Variants in CACNA2D3 observed in about 807,000 individuals in gnomAD.
CACNA2D3 encodes the protein voltage-dependent calcium channel subunit alpha-2/delta-3.
CACNA2D3 carries 60 observed loss-of-function variants against 160.6 expected under a neutral mutation model. The ratio of observed to expected loss-of-function variants is 0.37; its 90% confidence interval spans 0.30 to 0.46. The LOEUF (loss-of-function observed/expected upper bound fraction) is 0.46. Ranked by LOEUF, CACNA2D3 falls within the 20% of genes least tolerant of loss-of-function variation. The probability of loss-of-function intolerance (pLI) is 1.00; values close to 1 mark genes in which losing one functional copy is unlikely to be tolerated. For missense variants in CACNA2D3, 1,205 were observed against 1,365.0 expected (o/e 0.88, Z 1.85); for synonymous variants, 558 against 492.9 (o/e 1.13, Z -1.75).
chr3:54,542,198 A>C (rs1034678446), intron 5 of CACNA2D3, among the ~76,000 whole-genome samples: 2 of 151,802 alleles, frequency 1.3e-5, no homozygotes, highest in Admixed American at 1.3e-4. Context: ...AGTAGCTGGG[A>C]TTACAGGCAC....
At chr3:54,615,229 C>T (rs954694555) in intron 9 of CACNA2D3, among the ~76,000 whole-genome samples, 3 of 152,176 alleles carry the variant, frequency 2.0e-5, no homozygotes, top group Non-Finnish European at 4.4e-5. Flanking sequence ...TTGATGACTA[C>T]CATCATCGCA....
At chr3:54,893,171 G>T (rs1700106784) in intron 25 of CACNA2D3, among the ~76,000 whole-genome samples, 1 of 152,168 alleles carries the variant, frequency 6.6e-6, no homozygotes, top group Admixed American at 6.5e-5. Flanking sequence ...AGCTACTCAG[G>T]AGGCTGAGGT....
intron 3 of CACNA2D3, among the ~76,000 whole-genome samples, chr3:54,337,975 T>TG (rs1420349361): frequency 6.6e-6 from 1 of 152,202 alleles, no homozygotes; most frequent in Non-Finnish European, 1.5e-5. Context: ...CCAAAACGTT[T>TG]GGGTGCCTTA....
intron 2 of CACNA2D3, among the ~76,000 whole-genome samples, chr3:54,194,264 A>T (rs12630117): frequency 0.76 from 115,953 of 152,172 alleles, 44,474 homozygotes; most frequent in East Asian, 0.96. Context: ...ATATGCAAGA[A>T]GATGGATACC....
chr3:54,351,995 G>A (rs2107534001), intron 3 of CACNA2D3, among the ~76,000 whole-genome samples: 1 of 152,224 alleles, frequency 6.6e-6, no homozygotes, highest in East Asian at 1.9e-4. Context: ...TCTCCCTCCT[G>A]GTCTTCATGG....
intron 2 of CACNA2D3, among the ~76,000 whole-genome samples, chr3:54,207,453 T>G (rs1000750962): frequency 7.1e-6 from 1 of 140,808 alleles, no homozygotes; most frequent in Non-Finnish European, 1.5e-5. Context: ...TTAAGACCAT[T>G]TAAGACCAAG....
chr3:54,647,761 A>ATT (rs1699679931), intron 11 of CACNA2D3, among the ~76,000 whole-genome samples: 1 of 152,252 alleles, frequency 6.6e-6, no homozygotes, highest in Admixed American at 6.5e-5. Context: ...GGAATGCATT[A>ATT]TTGGTGATTT....
intron 17 of CACNA2D3, among the ~76,000 whole-genome samples, chr3:54,849,228 T>G (rs989814289): frequency 7.9e-5 from 12 of 152,226 alleles, no homozygotes; most frequent in South Asian, 2.1e-4. Context: ...ACCAAGGTTG[T>G]TTGTTTGTTT....
At chr3:54,206,129 G>A (rs2107356169) in intron 2 of CACNA2D3, among the ~76,000 whole-genome samples, 1 of 152,220 alleles carries the variant, frequency 6.6e-6, no homozygotes, top group South Asian at 2.1e-4. Context: ...CTTAGTTGTG[G>A]GCACTTCTTG....
intron 18 of CACNA2D3, chr3:54,875,514 G>A (rs1699638320): frequency 6.6e-6 from 1 of 152,210 alleles, no homozygotes; most frequent in Non-Finnish European, 1.5e-5. Context: ...TTAGGAGCAC[G>A]AGCTATCATT....
chr3:54,894,538 A>G, intron 25 of CACNA2D3: 1 of 479,776 alleles, frequency 2.1e-6, no homozygotes, highest in Non-Finnish European at 4.2e-6. Flanking sequence ...CTCTGGAAAA[A>G]GGTCCCCTGT....
At chr3:54,217,153 G>C (rs1577005098) in intron 2 of CACNA2D3, among the ~76,000 whole-genome samples, 1 of 152,138 alleles carries the variant, frequency 6.6e-6, no homozygotes, top group South Asian at 2.1e-4. Context: ...ATGGGGCCTG[G>C]GAGGGAGGAA....
chr3:54,610,869 T>TC, intron 9 of CACNA2D3, among the ~76,000 whole-genome samples: 1 of 152,202 alleles, frequency 6.6e-6, no homozygotes, highest in East Asian at 1.9e-4. Context: ...CCTCAGGTGA[T>TC]CCACCCGCCT....
intron 26 of CACNA2D3, 32 bp downstream of exon 26, chr3:54,896,902 T>C (rs747326926): frequency 6.2e-7 from 1 of 1,613,650 alleles, no homozygotes; most frequent in South Asian, 1.1e-5. Flanking sequence ...GGGCTCTGTC[T>C]GTCTGGTCCA....
chr3:54,157,616 C>A (rs1700267029), intron 2 of CACNA2D3, among the ~76,000 whole-genome samples: 1 of 151,952 alleles, frequency 6.6e-6, no homozygotes, highest in Admixed American at 6.6e-5. Flanking sequence ...ATGGAGAATC[C>A]CTGTCTCTAC....
intron 11 of CACNA2D3, among the ~76,000 whole-genome samples, chr3:54,722,410 T>A (rs1004677050): frequency 6.6e-6 from 1 of 152,234 alleles, no homozygotes; most frequent in African/African-American, 2.4e-5. Flanking sequence ...CCTACTTCTG[T>A]CAATTTGTCA....
At chr3:54,575,451 A>G (rs924790769) in intron 8 of CACNA2D3, among the ~76,000 whole-genome samples, 1 of 151,854 alleles carries the variant, frequency 6.6e-6, no homozygotes, top group Admixed American at 6.6e-5. Context: ...AGTCCTTTCC[A>G]TCAGTGATCT....
At position 54,769,382 on chromosome 3, in the gene CACNA2D3, T is replaced by C. The variant is rs192366986; in HGVS notation, c.1380+5031T>C. ...GATTGACTCCATTTTAGTAACCTGA[T>C]GTTTTGTTGGTATTGATAGCTCTGG... On this transcript the variant is annotated intron_variant, in intron 13 of 37. Coordinates refer to ENST00000474759, the MANE Select transcript of CACNA2D3 (RefSeq NM_018398.3). 6.6e-5 allele frequency among the ~76,000 whole-genome samples: 10 copies of C among 152,254 alleles called. No individual in the cohort carries two copies. In the East Asian group the frequency reaches 1.9e-3, roughly 29 times the overall value.
At chr3:54,417,191 T>C (rs1176190616) in intron 4 of CACNA2D3, among the ~76,000 whole-genome samples, 4 of 152,162 alleles carry the variant, frequency 2.6e-5, no homozygotes, top group Admixed American at 1.3e-4. Flanking sequence ...GCCATGAGAG[T>C]CAGTCTTTCA....
Sources: gnomAD v4.1 joint callset for allele counts (sites outside exome capture counted in the v4.1 genomes callset) on GRCh38, gnomAD v4.1.1 for gene constraint, MANE v1.5 for transcripts, NCBI Gene and HGNC (gene_info 2026-07-23, HGNC 2026-07-21) for gene names.